Variants in PLEKHA7 observed in about 807,000 individuals in gnomAD.
The protein encoded by PLEKHA7 is pleckstrin homology domain-containing family A member 7.
A neutral mutation model predicts 170.0 loss-of-function variants in PLEKHA7; 104 were observed. The ratio of observed to expected loss-of-function variants is 0.61; its 90% CI spans 0.52 to 0.72. The LOEUF (loss-of-function observed/expected upper bound fraction) is 0.72. Ranked by LOEUF, PLEKHA7 falls within the 30% of genes least tolerant of loss-of-function variation. The probability of loss-of-function intolerance (pLI) is 0.00; values close to 1 mark genes in which losing one functional copy is unlikely to be tolerated. For missense variants in PLEKHA7, 1,615 were observed against 1,671.7 expected (o/e 0.97, Z 0.59); for synonymous variants, 648 against 660.8 (o/e 0.98, Z 0.30).
intron 15 of PLEKHA7, among the ~76,000 whole-genome samples, chr11:16,802,274 T>A (rs1222566356): frequency 6.6e-6 from 1 of 152,222 alleles, no homozygotes; most frequent in African/African-American, 2.4e-5. Context: ...GGCACTCCCA[T>A]CCAGACTTGC....
At chr11:16,940,383 G>A (rs1330436980) in intron 3 of PLEKHA7, among the ~76,000 whole-genome samples, 3 of 149,624 alleles carry the variant, frequency 2.0e-5, no homozygotes, top group Non-Finnish European at 3.0e-5. Context: ...TGCCTCCCAG[G>A]TTCAAGCAAT....
rs1451161150 is a variant in PLEKHA7, at chr11:16,859,197, C to T, written c.306-3283G>A. Among the ~76,000 whole-genome samples the T allele has an allele frequency of 2.0e-5, 3 of 152,232 alleles. No homozygotes were observed. In the East Asian group the frequency reaches 5.8e-4, roughly 29 times the overall value. Reference sequence around the variant, plus strand: ...AGACTCAATTCATACTTGGCAGTCCCTGACCTGGCTCTTTGAAAGGACAAG... The same window carrying T: ...AGACTCAATTCATACTTGGCAGTCCTTGACCTGGCTCTTTGAAAGGACAAG... On this transcript the variant is annotated intron_variant, in intron 4 of 26. Coordinates refer to ENST00000531066, the MANE Select transcript of PLEKHA7 (RefSeq NM_001329630.2).
chr11:16,798,140 C>T (rs915450603), intron 17 of PLEKHA7, among the ~76,000 whole-genome samples: 10 of 152,310 alleles, frequency 6.6e-5, no homozygotes, highest in Admixed American at 2.0e-4. Flanking sequence ...TACAGGGAGG[C>T]GAATTTCTAA....
intron 3 of PLEKHA7, among the ~76,000 whole-genome samples, chr11:16,892,432 G>GTGTGTTTTGTTTTGTTT (rs1554964931): frequency 1.3e-3 from 148 of 115,022 alleles, no homozygotes; most frequent in Middle Eastern, 4.3e-3. Context: ...GTGTGTGTGT[G>GTGTGTTTTGTTTTGTTT]TGTTTTGTTT....
intron 3 of PLEKHA7, among the ~76,000 whole-genome samples, chr11:16,888,024 G>C (rs1446132767): frequency 1.3e-5 from 2 of 150,798 alleles, no homozygotes; most frequent in African/African-American, 4.9e-5. Flanking sequence ...GGGATGTGAG[G>C]AGCGCCTCTG....
chr11:16,811,771 C>T (rs1227424586), intron 13 of PLEKHA7, among the ~76,000 whole-genome samples: 1 of 152,192 alleles, frequency 6.6e-6, no homozygotes, highest in East Asian at 1.9e-4. Flanking sequence ...CACCTTCCTT[C>T]CTAAAGCCTA....
chr11:16,893,646 C>G (rs955531385), intron 3 of PLEKHA7, among the ~76,000 whole-genome samples: 4 of 152,086 alleles, frequency 2.6e-5, no homozygotes, highest in African/African-American at 9.7e-5. Context: ...AAGGAGAAAA[C>G]CAAGAACAGG....
intron 4 of PLEKHA7, among the ~76,000 whole-genome samples, chr11:16,870,082 C>A (rs1284655564): frequency 3.3e-5 from 5 of 152,164 alleles, no homozygotes; most frequent in African/African-American, 1.2e-4. Flanking sequence ...TTTATGTAGA[C>A]AAGCCCTGGG....
chr11:16,966,053 C>T (rs1325631051), intron 3 of PLEKHA7, among the ~76,000 whole-genome samples: 1 of 152,106 alleles, frequency 6.6e-6, no homozygotes, highest in African/African-American at 2.4e-5. Flanking sequence ...AGTGGTGGCG[C>T]GTGCCTATAG....
chr11:16,878,976 C>A (rs1198348676), intron 3 of PLEKHA7, among the ~76,000 whole-genome samples: 1 of 152,202 alleles, frequency 6.6e-6, no homozygotes, highest in Non-Finnish European at 1.5e-5. Context: ...TCCCCTACAA[C>A]TTCCTCAACT....
intron 3 of PLEKHA7, among the ~76,000 whole-genome samples, chr11:16,893,085 C>G (rs1202956433): frequency 2.0e-5 from 3 of 152,206 alleles, no homozygotes; most frequent in Non-Finnish European, 4.4e-5. Flanking sequence ...CCCTAACAAA[C>G]CACTTGTGAG....
intron 3 of PLEKHA7, among the ~76,000 whole-genome samples, chr11:16,904,495 C>T (rs1857529277): frequency 6.6e-6 from 1 of 152,050 alleles, no homozygotes; most frequent in Non-Finnish European, 1.5e-5. Flanking sequence ...TAAATGAAAA[C>T]CAAGCAGCAA....
At chr11:16,807,090 G>A (rs1285800146) in intron 13 of PLEKHA7, 16 of 874,062 alleles carry the variant, frequency 1.8e-5, no homozygotes, top group East Asian at 1.2e-4. Context: ...AGTCGGCACC[G>A]AGCCAGAAGC....
chr11:16,963,974 TCTCCCTTCC>T (rs1272283217), intron 3 of PLEKHA7, among the ~76,000 whole-genome samples: 1 of 152,168 alleles, frequency 6.6e-6, no homozygotes, highest in Non-Finnish European at 1.5e-5. Flanking sequence ...ACCCCCGATT[TCTCCCTTCC>T]CTCAGGCCCT....
intron 15 of PLEKHA7, 45 bp from the exon 16 acceptor site, chr11:16,801,862 C>A: frequency 6.2e-7 from 1 of 1,609,560 alleles, no homozygotes. Context: ...GAGGACAGTC[C>A]CCAGAGGCCT....
intron 3 of PLEKHA7, among the ~76,000 whole-genome samples, chr11:16,975,182 C>T (rs945171501): frequency 6.6e-6 from 1 of 152,158 alleles, no homozygotes; most frequent in Admixed American, 6.5e-5. Context: ...TCTTCTAAGT[C>T]TTCCGCTGAT....
At chr11:16,869,465 T>C (rs1323018358) in intron 4 of PLEKHA7, among the ~76,000 whole-genome samples, 2 of 152,252 alleles carry the variant, frequency 1.3e-5, no homozygotes, top group African/African-American at 2.4e-5. Context: ...AAAATGGTGA[T>C]GGTCTATCTC....
At chr11:16,981,649 G>A (rs61881289) in intron 3 of PLEKHA7, among the ~76,000 whole-genome samples, 7,942 of 152,194 alleles carry the variant, frequency 0.052, 304 homozygotes, top group Non-Finnish European at 0.077. Context: ...GGGGCGGGGC[G>A]GGGAAGGAGC....
intron 13 of PLEKHA7, among the ~76,000 whole-genome samples, chr11:16,803,819 T>C (rs1590171632): frequency 6.6e-6 from 1 of 152,300 alleles, no homozygotes; most frequent in East Asian, 1.9e-4. Context: ...CAGCCTTCCT[T>C]ACCCTTTACC....
Sources: gnomAD v4.1 joint callset for allele counts (sites outside exome capture counted in the v4.1 genomes callset) on GRCh38, gnomAD v4.1.1 for gene constraint, MANE v1.5 for transcripts, NCBI Gene and HGNC (gene_info 2026-07-23, HGNC 2026-07-21) for gene names.